TTLL7: variants seen among roughly 807,000 people sequenced by gnomAD.
TTLL7 encodes tubulin polyglutamylase TTLL7.
TTLL7 carries 53 observed loss-of-function variants against 120.2 expected under a neutral mutation model. That is an observed-to-expected ratio of 0.44 (90% confidence interval 0.35 to 0.55). The LOEUF is 0.55. TTLL7 is among the 20% of genes least tolerant of loss of function. TTLL7 has a pLI of 0.00. For synonymous variants in TTLL7, 353 were observed against 351.7 expected, an observed-to-expected ratio of 1.00 and a Z score of -0.04; for missense variants, 803 against 1,054.7, an observed-to-expected ratio of 0.76 and a Z score of 3.31.
At position 83,951,998 on chromosome 1, in the gene TTLL7, T is replaced by A. The variant is rs746104695; in HGVS notation, c.26-22A>T. On this transcript the variant is annotated intron_variant, in intron 2 of 20. Coordinates refer to ENST00000260505, the MANE Select transcript of TTLL7 (RefSeq NM_024686.6). Reference sequence around the variant, plus strand: ...ATAACTTTAAAAAAATGTAAAATAATCAGATAACACTGAAAACAAAAATCT... The same window carrying A: ...ATAACTTTAAAAAAATGTAAAATAAACAGATAACACTGAAAACAAAAATCT... 6 of 1,597,074 alleles carry A rather than the reference T, an allele frequency of 3.8e-6. No homozygotes were observed. The Admixed American group carries it at 1.1e-4, about 28-fold the overall frequency.
intron 10 of TTLL7, among the ~76,000 whole-genome samples, chr1:83,924,128 A>G (rs751523222): frequency 6.6e-6 from 1 of 152,208 alleles, no homozygotes; most frequent in Non-Finnish European, 1.5e-5. Context: ...GGATACAAAA[A>G]GAACCAGACA....
intron 14 of TTLL7, among the ~76,000 whole-genome samples, chr1:83,917,138 T>C (rs1416416976): frequency 6.6e-6 from 1 of 151,422 alleles, no homozygotes; most frequent in Non-Finnish European, 1.5e-5. Context: ...AGATGTCATC[T>C]ACATGACAGC....
intron 1 of TTLL7, among the ~76,000 whole-genome samples, chr1:83,982,196 AT>A (rs367875716): frequency 1.8e-4 from 27 of 152,298 alleles, no homozygotes; most frequent in East Asian, 1.5e-3. Context: ...CATGAATCAT[AT>A]TTTTTTGAAA....
At chr1:83,916,893 C>T (rs974658208) in intron 14 of TTLL7, among the ~76,000 whole-genome samples, 3 of 151,928 alleles carry the variant, frequency 2.0e-5, no homozygotes, top group Non-Finnish European at 4.4e-5. Context: ...GGTTCAAGAC[C>T]AGCCTTGGCA....
chr1:83,946,810 T>C (rs920547564), intron 6 of TTLL7, among the ~76,000 whole-genome samples: 14 of 152,182 alleles, frequency 9.2e-5, no homozygotes, highest in African/African-American at 3.4e-4. Context: ...TCTCCAAGCC[T>C]ATTGAAATTA....
intron 1 of TTLL7, among the ~76,000 whole-genome samples, chr1:83,997,403 C>T (rs1359372105): frequency 1.3e-5 from 2 of 152,204 alleles, no homozygotes; most frequent in Non-Finnish European, 2.9e-5. Context: ...ATTATTTTTA[C>T]AGAAGGAGCA....
At chr1:83,931,047 A>T (rs1344278518) in intron 9 of TTLL7, among the ~76,000 whole-genome samples, 1 of 151,392 alleles carries the variant, frequency 6.6e-6, no homozygotes, top group African/African-American at 2.4e-5. Flanking sequence ...GAAAAAAAAT[A>T]AAAGAAAAAC....
intron 15 of TTLL7, among the ~76,000 whole-genome samples, chr1:83,910,923 C>T (rs905905819): frequency 2.0e-5 from 3 of 152,058 alleles, no homozygotes; most frequent in Admixed American, 1.3e-4. Context: ...AATCTGGCAC[C>T]TAACAAAAAC....
intron 8 of TTLL7, 77 bp downstream of exon 8, chr1:83,937,775 G>T: frequency 6.5e-7 from 1 of 1,547,422 alleles, no homozygotes; most frequent in South Asian, 1.2e-5. Context: ...AACTCTTAAT[G>T]AACTTTCATG....
intron 18 of TTLL7, among the ~76,000 whole-genome samples, chr1:83,892,269 A>T (rs1244634919): frequency 7.0e-4 from 67 of 95,862 alleles, no homozygotes; most frequent in Admixed American, 1.7e-3. Context: ...TATATATACG[A>T]ATATATATGA....
intron 7 of TTLL7, among the ~76,000 whole-genome samples, chr1:83,938,555 A>G (rs1468092073): frequency 6.6e-6 from 1 of 152,222 alleles, no homozygotes; most frequent in Non-Finnish European, 1.5e-5. Context: ...TTAGCTCGGT[A>G]CCACAGTGCA....
intron 1 of TTLL7, among the ~76,000 whole-genome samples, chr1:83,978,544 GA>G (rs1309804063): frequency 6.6e-6 from 1 of 152,076 alleles, no homozygotes; most frequent in African/African-American, 2.4e-5. Flanking sequence ...GTTTTTCTAT[GA>G]AAAACTACAA....
chr1:83,996,933 C>T (rs1010343102), intron 1 of TTLL7, among the ~76,000 whole-genome samples: 2 of 151,790 alleles, frequency 1.3e-5, no homozygotes, highest in Admixed American at 6.6e-5. Flanking sequence ...TTCTGCTGTC[C>T]CCCTTAGGAT....
At chr1:83,992,270 T>C (rs1653069895) in intron 1 of TTLL7, among the ~76,000 whole-genome samples, 1 of 152,134 alleles carries the variant, frequency 6.6e-6, no homozygotes, top group Non-Finnish European at 1.5e-5. Context: ...CCTATCATTA[T>C]TGTGGCAAGT....
chr1:83,907,695 G>C (rs772274327), intron 15 of TTLL7, 34 bp from the exon 16 acceptor site: 18 of 1,584,088 alleles, frequency 1.1e-5, no homozygotes, highest in Non-Finnish European at 1.5e-5. Flanking sequence ...TACTACAGTA[G>C]CAGTATTAAT....
chr1:83,904,603 C>A (rs991930613), intron 17 of TTLL7, among the ~76,000 whole-genome samples: 1 of 152,040 alleles, frequency 6.6e-6, no homozygotes, highest in Non-Finnish European at 1.5e-5. Flanking sequence ...CCACTGCACT[C>A]CAGCCTGGGC....
intron 18 of TTLL7, among the ~76,000 whole-genome samples, chr1:83,895,907 C>A (rs1222502251): frequency 6.6e-6 from 1 of 152,050 alleles, no homozygotes; most frequent in Admixed American, 6.6e-5. Flanking sequence ...TGCCTAGGCA[C>A]CCCCTCCTTT....
intron 1 of TTLL7, among the ~76,000 whole-genome samples, chr1:83,965,717 T>C (rs568616030): frequency 7.7e-4 from 117 of 152,274 alleles, no homozygotes; most frequent in Admixed American, 1.6e-3. Flanking sequence ...CTGCATTCTC[T>C]ACAGCGCAGG....
chr1:83,950,117 AT>A, intron 3 of TTLL7, 131 bp from the exon 4 acceptor site: 1 of 813,726 alleles, frequency 1.2e-6, no homozygotes, highest in Non-Finnish European at 1.8e-6. Context: ...GCCTAACCTT[AT>A]TTTTAGTTAC....
Sources: gnomAD v4.1 joint callset for allele counts (sites outside exome capture counted in the v4.1 genomes callset) on GRCh38, gnomAD v4.1.1 for gene constraint, MANE v1.5 for transcripts, NCBI Gene and HGNC (gene_info 2026-07-23, HGNC 2026-07-21) for gene names.